COL4A5: variants seen among roughly 807,000 people sequenced by gnomAD.
COL4A5 encodes collagen alpha-5(IV) chain.
In COL4A5, 26 loss-of-function variants were observed where a neutral mutation model predicts 130.2. That is an observed-to-expected ratio of 0.20 (90% CI 0.15 to 0.28). The LOEUF (loss-of-function observed/expected upper bound fraction) is 0.28, where lower values mean the gene tolerates loss of function less well. Ranked by LOEUF, COL4A5 falls within the 10% of genes least tolerant of loss-of-function variation. COL4A5 has a pLI of 1.00. For missense variants in COL4A5, 1,131 were observed against 1,344.3 expected (o/e 0.84, Z 2.48); for synonymous variants, 496 against 439.6 (o/e 1.13, Z -1.60).
In COL4A5 at chrX:108,614,807, T is replaced by C. The variant is rs900113506; in HGVS notation, c.2396-104T>C. On this transcript the variant is annotated intron_variant, in intron 29 of 52. Coordinates refer to ENST00000328300, the MANE Select transcript of COL4A5 (RefSeq NM_033380.3). ...ACTTATGTGTACTTTTCTTGCTGAA[T>C]GAATGCCCAGTTTTTCAAGATTCTT... 14 of 565,422 alleles carry C rather than the reference T, an allele frequency of 2.5e-5. No individual in the cohort carries two copies. In the Admixed American group the frequency reaches 2.9e-4, roughly 12 times the overall value. The allele number at this position is 565,422 out of a possible 1,213,427, so 46.6% of individuals were successfully genotyped here. A position where few individuals can be genotyped will look rare whatever the true frequency, so the allele number is the denominator to read the frequency against.
At chrX:108,551,951 C>T (rs1010146487) in intron 2 of COL4A5, among the ~76,000 whole-genome samples, 4 of 112,166 alleles carry the variant, frequency 3.6e-5, no homozygotes, top group Non-Finnish European at 7.5e-5. Flanking sequence ...CTAATTAACA[C>T]AGGAACAGAA....
At chrX:108,498,150 C>G (rs1272785594) in intron 1 of COL4A5, among the ~76,000 whole-genome samples, 1 of 111,514 alleles carries the variant, frequency 9.0e-6, no homozygotes, top group Non-Finnish European at 1.9e-5. Context: ...TTAAGAACAT[C>G]TTTGATCTTG....
chrX:108,508,767 A>T (rs775620873), intron 1 of COL4A5, among the ~76,000 whole-genome samples: 2 of 111,224 alleles, frequency 1.8e-5, no homozygotes, highest in East Asian at 5.7e-4. Flanking sequence ...TCACTCTGCA[A>T]CCATCTGATT....
intron 33 of COL4A5, among the ~76,000 whole-genome samples, chrX:108,623,530 G>T (rs1451861284): frequency 9.0e-6 from 1 of 111,389 alleles, no homozygotes; most frequent in Non-Finnish European, 1.9e-5. Flanking sequence ...TAAAGCACTT[G>T]GCACCCAATC....
chrX:108,674,621 C>T (rs1403469715), intron 42 of COL4A5, 124 bp from the exon 43 acceptor site: 3 of 695,542 alleles, frequency 4.3e-6, no homozygotes, highest in Non-Finnish European at 6.6e-6. Flanking sequence ...TGGCAAAGAA[C>T]ATTATTGTTT....
At chrX:108,680,118 C>A (rs1044667426) in intron 44 of COL4A5, among the ~76,000 whole-genome samples, 1 of 112,060 alleles carries the variant, frequency 8.9e-6, no homozygotes, top group Non-Finnish European at 1.9e-5. Flanking sequence ...GATTGAAATA[C>A]TTGAGCCCTG....
chrX:108,624,479 C>T (rs772473930), intron 34 of COL4A5, 145 bp downstream of exon 34: 21 of 539,661 alleles, frequency 3.9e-5, no homozygotes, highest in Non-Finnish European at 5.5e-5. Context: ...AGCTCACTTT[C>T]GGCAAAAATA....
intron 36 of COL4A5, among the ~76,000 whole-genome samples, chrX:108,648,508 A>T (rs868806482): frequency 2.5e-4 from 28 of 111,450 alleles, no homozygotes; most frequent in Admixed American, 1.8e-3. Context: ...CAGTTAACTG[A>T]ATCCAACAGC....
intron 1 of COL4A5, among the ~76,000 whole-genome samples, chrX:108,449,245 G>A (rs761922920): frequency 1.8e-5 from 2 of 111,909 alleles, no homozygotes; most frequent in Non-Finnish European, 3.8e-5. Flanking sequence ...AACTCATGAT[G>A]TTTTGGGGGG....
chrX:108,555,771 T>G (rs2065816652), intron 2 of COL4A5, among the ~76,000 whole-genome samples: 1 of 112,007 alleles, frequency 8.9e-6, no homozygotes, highest in Non-Finnish European at 1.9e-5. Flanking sequence ...TATGGATGCC[T>G]TTAACTCACA....
chrX:108,586,556 A>G, intron 18 of COL4A5, 59 bp from the exon 19 acceptor site: 1 of 1,077,759 alleles, frequency 9.3e-7, no homozygotes, highest in Non-Finnish European at 1.3e-6. Flanking sequence ...TAATGTTTTC[A>G]GGAGAACAAG....
At chrX:108,678,718 A>G (rs902382716) in intron 44 of COL4A5, among the ~76,000 whole-genome samples, 2 of 111,134 alleles carry the variant, frequency 1.8e-5, no homozygotes, top group African/African-American at 6.5e-5. Flanking sequence ...TTTTAATTAT[A>G]TAACCACAGT....
At chrX:108,602,908 A>C in intron 27 of COL4A5, 56 bp from the exon 28 acceptor site, 1 of 857,515 alleles carries the variant, frequency 1.2e-6, no homozygotes, top group South Asian at 2.2e-5. Flanking sequence ...GAATTTGAAT[A>C]TCTTTCTTAA....
chrX:108,631,282 C>T (rs775321883), intron 36 of COL4A5, among the ~76,000 whole-genome samples: 1 of 111,843 alleles, frequency 8.9e-6, no homozygotes, highest in South Asian at 3.7e-4. Flanking sequence ...TCTTCCTATC[C>T]ATGAGCATGG....
At chrX:108,550,793 A>G (rs1258237347) in intron 2 of COL4A5, among the ~76,000 whole-genome samples, 1 of 112,172 alleles carries the variant, frequency 8.9e-6, no homozygotes, top group Non-Finnish European at 1.9e-5. Context: ...ATATGCTAAA[A>G]TACTCTTAAA....
chrX:108,606,881 C>T lies in COL4A5; in HGVS notation c.2384C>T (p.Pro795Leu), dbSNP rs1368949142. ...GGACGCACTGGCTTAGATGGGCTCC[C>T]TGGACCAAAAGGTATGGAGGCTGTC... Reference protein sequence around the residue: ...PPGRTGLDGLPGPKGDVGPNG... With the variant: ...PPGRTGLDGLLGPKGDVGPNG... The change falls in exon 29 of 53, where the codon CCT becomes CTT. Residue 795 changes from proline (P) to leucine (L), a missense_variant. By Grantham distance (98) the Pro-to-Leu change is moderately conservative. Coordinates refer to ENST00000328300, the MANE Select transcript of COL4A5 (RefSeq NM_033380.3). 1 of 1,211,364 alleles carries T rather than the reference C, an allele frequency of 8.3e-7. No individual in the cohort carries two copies.
At chrX:108,572,196 T>C (rs1405585329) in intron 8 of COL4A5, among the ~76,000 whole-genome samples, 1 of 111,682 alleles carries the variant, frequency 9.0e-6, no homozygotes, top group Non-Finnish European at 1.9e-5. Flanking sequence ...TCTGGTTAAT[T>C]TGCAGTCTTC....
At position 108,542,473 on chromosome X, in the gene COL4A5, C is replaced by T. The variant is rs772023844; in HGVS notation, c.141+2668C>T. On this transcript the variant is annotated intron_variant, in intron 2 of 52. Transcript: ENST00000328300. ...TATGGCTGCATAGTATTCCATGGTG[C>T]GTATGTGCCACATTTTCTTAATCCA... Among the ~76,000 whole-genome samples the T allele has an allele frequency of 4.5e-5, 5 of 110,866 alleles. No individual in the cohort carries two copies. The South Asian group carries it at 1.1e-3, about 25-fold the overall frequency.
chrX:108,481,006 G>T (rs1021128574), intron 1 of COL4A5, among the ~76,000 whole-genome samples: 3 of 111,877 alleles, frequency 2.7e-5, no homozygotes, highest in Non-Finnish European at 5.6e-5. Flanking sequence ...GGGATCCAAC[G>T]TGGGGGTTCT....
Sources: allele counts gnomAD v4.1 joint callset (sites outside exome capture counted in the v4.1 genomes callset), GRCh38; gene constraint gnomAD v4.1.1; transcripts MANE v1.5; gene names NCBI Gene and HGNC (gene_info 2026-07-23, HGNC 2026-07-21).